The following GRAMD1B variants were observed in gnomAD, a reference collection of about 807,000 sequenced individuals.
The protein encoded by GRAMD1B is protein Aster-B.
In GRAMD1B, 37 loss-of-function variants were observed where a neutral mutation model predicts 99.7. The observed-to-expected ratio is 0.37, with a 90% CI of 0.29 to 0.49. The LOEUF is 0.49. Ranked by LOEUF, GRAMD1B falls within the 20% of genes least tolerant of loss-of-function variation. GRAMD1B has a pLI of 0.98. For synonymous variants in GRAMD1B, 427 were observed against 387.6 expected (o/e 1.10, Z -1.19); for missense variants, 888 against 1,009.2 (o/e 0.88, Z 1.63).
intron 2 of GRAMD1B, among the ~76,000 whole-genome samples, chr11:123,575,962 G>A (rs1948661570): frequency 6.6e-6 from 1 of 152,094 alleles, no homozygotes; most frequent in South Asian, 2.1e-4. Context: ...CATATTTGGG[G>A]CACATTTATC....
intron 7 of GRAMD1B, chr11:123,597,923 C>G: frequency 9.6e-7 from 1 of 1,045,692 alleles, no homozygotes; most frequent in Non-Finnish European, 1.5e-6. Context: ...AGCCCCAAAG[C>G]TGAGCTACAT....
intron 1 of GRAMD1B, among the ~76,000 whole-genome samples, chr11:123,462,891 T>TAAAAAAAAAAAAAAAAAAA (rs1022451957): frequency 9.0e-6 from 1 of 111,390 alleles, no homozygotes; most frequent in Non-Finnish European, 2.0e-5. Context: ...AAAAATAAAT[T>TAAAAAAAAAAAAAAAAAAA]AAAAAAAAAA....
intron 1 of GRAMD1B, among the ~76,000 whole-genome samples, chr11:123,419,816 C>A (rs151335998): frequency 6.6e-6 from 1 of 151,774 alleles, no homozygotes; most frequent in Non-Finnish European, 1.5e-5. Context: ...ATTTTCAGTA[C>A]CCTAGTGGGC....
chr11:123,391,018 C>T (rs890057424), intron 1 of GRAMD1B, among the ~76,000 whole-genome samples: 7 of 152,224 alleles, frequency 4.6e-5, no homozygotes, highest in Admixed American at 1.3e-4. Flanking sequence ...ACCGGAGGGA[C>T]GCACACAAGC....
intron 1 of GRAMD1B, among the ~76,000 whole-genome samples, chr11:123,455,108 C>T (rs1018650939): frequency 5.9e-5 from 9 of 152,052 alleles, no homozygotes; most frequent in African/African-American, 2.2e-4. Flanking sequence ...TATAAGAGCC[C>T]TACTTAATAT....
chr11:123,388,690 C>G (rs868109071), intron 1 of GRAMD1B, among the ~76,000 whole-genome samples: 1 of 148,428 alleles, frequency 6.7e-6, no homozygotes, highest in Non-Finnish European at 1.5e-5. Flanking sequence ...TTCAAACAAA[C>G]AAACAAACAA....
In GRAMD1B at chr11:123,578,358, C is replaced by T. The variant is rs1038756609; in HGVS notation, c.663+781C>T. On this transcript the variant is annotated intron_variant, in intron 3 of 19. Coordinates refer to ENST00000635736, the MANE Select transcript of GRAMD1B (RefSeq NM_001387025.1). Reference sequence around the variant, plus strand: ...TCTTTTGATTTCTTGTTCTTCCTCTCCTCTTCTTCCCCACCATTTCCCAAA... The same window carrying T: ...TCTTTTGATTTCTTGTTCTTCCTCTTCTCTTCTTCCCCACCATTTCCCAAA... 7.0e-6 allele frequency: 10 copies of T among 1,427,242 alleles called. No homozygotes were observed. The Admixed American group carries it at 2.0e-4, about 28-fold the overall frequency. 88.4% of individuals were successfully genotyped at this position (1,427,242 alleles called of 1,614,324 possible).
chr11:123,546,141 T>C (rs535270936), intron 2 of GRAMD1B, among the ~76,000 whole-genome samples: 76 of 152,300 alleles, frequency 5.0e-4, no homozygotes, highest in African/African-American at 1.6e-3. Flanking sequence ...AAGTACAAGG[T>C]ATTATAATTA....
intron 2 of GRAMD1B, among the ~76,000 whole-genome samples, chr11:123,503,872 C>T (rs567577015): frequency 2.0e-5 from 3 of 152,236 alleles, no homozygotes; most frequent in Non-Finnish European, 2.9e-5. Flanking sequence ...TTAGTTACTG[C>T]GTTTTCACTT....
intron 1 of GRAMD1B, among the ~76,000 whole-genome samples, chr11:123,375,409 AAG>A (rs996063229): frequency 5.9e-5 from 9 of 152,162 alleles, no homozygotes; most frequent in Non-Finnish European, 1.2e-4. Context: ...ATAAAAAAAA[AAG>A]AGAGAGAGAC....
At chr11:123,367,674 G>A (rs1014482131) in intron 1 of GRAMD1B, among the ~76,000 whole-genome samples, 19 of 152,132 alleles carry the variant, frequency 1.2e-4, no homozygotes, top group Non-Finnish European at 1.9e-4. Context: ...GTAGTTAACT[G>A]AGGCAACACC....
At chr11:123,511,869 C>T (rs1405646801) in intron 2 of GRAMD1B, among the ~76,000 whole-genome samples, 3 of 152,254 alleles carry the variant, frequency 2.0e-5, no homozygotes, top group Non-Finnish European at 4.4e-5. Flanking sequence ...CCCAGCCCTA[C>T]AGGCTGTGTG....
At position 123,613,556 on chromosome 11, in the gene GRAMD1B, C is replaced by A; in HGVS notation, c.2125C>A (p.Arg709Ser). Residue 709 changes from arginine (R) to serine (S), a missense_variant, in exon 16 of 20, where the codon CGT becomes AGT. Coordinates refer to ENST00000635736, the MANE Select transcript of GRAMD1B (RefSeq NM_001387025.1). ...SKTTTVRRRK[R>S]PHAHLRVPHL... ...GACTACAACGGTGCGGAGGAGGAAG[C>A]GTCCCCATGCCCACCTGCGAGTCCC... 1 of 1,613,616 alleles carries A rather than the reference C, an allele frequency of 6.2e-7. No homozygotes were observed. Among genetic ancestry groups the A allele is most frequent in the Non-Finnish European group, 8.5e-7 (1 of 1,179,656 alleles).
intron 1 of GRAMD1B, among the ~76,000 whole-genome samples, chr11:123,477,756 CCCTTTT>C (rs1360384054): frequency 6.9e-6 from 1 of 144,142 alleles, no homozygotes; most frequent in African/African-American, 2.5e-5. Context: ...TTTTCCCTTT[CCCTTTT>C]CCTTCCCTTT....
Position 123,613,444 on chromosome 11 carries a change from G to T in GRAMD1B, c.2024-11G>T. On this transcript the variant is annotated splice_polypyrimidine_tract_variant and intron_variant, in intron 15 of 19. Transcript: ENST00000635736. The stretch of plus-strand genomic sequence containing the variant: ...AGGTGGCCTCTCCTGTGGTCCTTTT[G>T]TCTCTGATAGAGAGCGAGCTGGCCA... 1.3e-6 allele frequency: 2 copies of T among 1,598,146 alleles called. No individual in the cohort carries two copies. Among genetic ancestry groups the T allele is most frequent in the Non-Finnish European group, 8.5e-7 (1 of 1,170,380 alleles).
At chr11:123,417,277 G>A (rs946709322) in intron 1 of GRAMD1B, among the ~76,000 whole-genome samples, 6 of 152,210 alleles carry the variant, frequency 3.9e-5, no homozygotes, top group Non-Finnish European at 5.9e-5. Flanking sequence ...GGGGACTGAG[G>A]CAGGAGAATC....
At chr11:123,402,510 G>A (rs11603768) in intron 1 of GRAMD1B, among the ~76,000 whole-genome samples, 1,636 of 152,336 alleles carry the variant, frequency 0.011, 25 homozygotes, top group African/African-American at 0.035. Context: ...TGTTACAACA[G>A]CAAGGCAGGC....
chr11:123,484,625 T>C (rs1046443915), intron 2 of GRAMD1B, among the ~76,000 whole-genome samples: 2 of 152,140 alleles, frequency 1.3e-5, no homozygotes. Context: ...AGAGAGAATG[T>C]GGTCAGAAGT....
At chr11:123,473,190 A>T (rs1450578298) in intron 1 of GRAMD1B, among the ~76,000 whole-genome samples, 1 of 151,998 alleles carries the variant, frequency 6.6e-6, no homozygotes, top group Non-Finnish European at 1.5e-5. Context: ...CAGCCTCCCG[A>T]GTAGCTGGGA....
Sources: gnomAD v4.1 joint callset for allele counts (sites outside exome capture counted in the v4.1 genomes callset) on GRCh38, gnomAD v4.1.1 for gene constraint, MANE v1.5 for transcripts, NCBI Gene and HGNC (gene_info 2026-07-23, HGNC 2026-07-21) for gene names.